Variants in C1orf94 observed in about 807,000 individuals in gnomAD.
C1orf94 encodes chromosome 1 open reading frame 94.
In C1orf94, 45 loss-of-function variants were observed where a neutral mutation model predicts 53.6. The observed-to-expected ratio is 0.84, with a 90% CI of 0.66 to 1.08. The LOEUF is 1.08. C1orf94 is among the 50% of genes least tolerant of loss of function. C1orf94 has a pLI of 0.00. For synonymous variants in C1orf94, 304 were observed against 296.1 expected (o/e 1.03, Z -0.27); for missense variants, 762 against 738.9 (o/e 1.03, Z -0.36).
intron 4 of C1orf94, among the ~76,000 whole-genome samples, chr1:34,203,995 A>G (rs2148620087): frequency 6.6e-6 from 1 of 152,206 alleles, no homozygotes; most frequent in East Asian, 1.9e-4. Flanking sequence ...ATTGTATGTC[A>G]TTGTATGGGG....
chr1:34,170,213 T>C (rs1642125113), intron 1 of C1orf94, among the ~76,000 whole-genome samples: 1 of 152,206 alleles, frequency 6.6e-6, no homozygotes, highest in Non-Finnish European at 1.5e-5. Flanking sequence ...CATGCCACAC[T>C]GAGCTGCATG....
chr1:34,202,401 C>A, intron 4 of C1orf94, 142 bp downstream of exon 4: 2 of 901,380 alleles, frequency 2.2e-6, no homozygotes, highest in Non-Finnish European at 3.3e-6. Flanking sequence ...TTCGCTGGGG[C>A]TATGGAAGGG....
intron 5 of C1orf94, 107 bp from the exon 6 acceptor site, chr1:34,212,103 C>A: frequency 1.0e-6 from 1 of 987,846 alleles, no homozygotes; most frequent in Non-Finnish European, 1.5e-6. Flanking sequence ...TTCTGTGTAC[C>A]CAGCAGTGAC....
intron 6 of C1orf94, 53 bp from the exon 7 acceptor site, chr1:34,218,633 T>C: frequency 7.1e-7 from 1 of 1,409,084 alleles, no homozygotes; most frequent in South Asian, 1.3e-5. Flanking sequence ...TTTCTAATTC[T>C]CTCCGATAAC....
intron 4 of C1orf94, among the ~76,000 whole-genome samples, chr1:34,206,564 A>G (rs1249313272): frequency 6.6e-6 from 1 of 152,222 alleles, no homozygotes; most frequent in South Asian, 2.1e-4. Context: ...CACACATAGA[A>G]ACAGAAACAG....
At chr1:34,178,966 T>G (rs943707997) in intron 1 of C1orf94, among the ~76,000 whole-genome samples, 2 of 152,250 alleles carry the variant, frequency 1.3e-5, no homozygotes, top group Non-Finnish European at 2.9e-5. Context: ...ATGGATTAAG[T>G]GTTAATAATT....
chr1:34,218,690 G>T lies in C1orf94; in HGVS notation c.1726G>T (p.Gly576Cys), dbSNP rs756712695. The T allele has an allele frequency of 6.2e-7, 1 of 1,611,086 alleles. No homozygotes were observed. The highest frequency in any genetic ancestry group is 1.1e-5 in the South Asian group (1 of 90,620). ...TCCACCCTCCCTCTCTTCCAGGTTCGGCTCGACATCCGGAGGGCCCTTGAT... is the reference window on the plus strand; with the variant it reads ...TCCACCCTCCCTCTCTTCCAGGTTCTGCTCGACATCCGGAGGGCCCTTGAT... ...QYLFPQGYGF[G>C]STSGGPLMHS... The change falls in exon 7 of 7, where the codon GGC (glycine) becomes TGC (cysteine). Residue 576 changes from glycine (G) to cysteine (C), a missense_variant. Coordinates refer to ENST00000488417, the MANE Select transcript of C1orf94 (RefSeq NM_001134734.2).
intron 4 of C1orf94, among the ~76,000 whole-genome samples, chr1:34,207,343 G>T (rs1437462721): frequency 6.6e-6 from 1 of 151,858 alleles, no homozygotes; most frequent in Non-Finnish European, 1.5e-5. Flanking sequence ...CCTCAAGACA[G>T]AATTGTGAGT....
Position 34,197,531 on chromosome 1 carries a change from C to T in C1orf94, c.627C>T (p.Asp209=). The change falls in exon 2 of 7, where the codon GAC becomes GAT. Residue 209 remains aspartate, a synonymous_variant. Coordinates refer to ENST00000488417, the MANE Select transcript of C1orf94 (RefSeq NM_001134734.2). The surrounding 1 kb of genome is among the most constrained non-coding windows in gnomAD (Gnocchi z 4.1). Reference sequence around the variant, plus strand: ...ATTCTGCCACTTCTACTGTCACAGACATTCTGTGTGCCGCCGAGGTCAAGA... The same window carrying T: ...ATTCTGCCACTTCTACTGTCACAGATATTCTGTGTGCCGCCGAGGTCAAGA... ...DCDSATSTVT[D]ILCAAEVKSS... is the part of the protein sequence containing the mutation. 1 of 1,614,130 alleles carries T rather than the reference C, an allele frequency of 6.2e-7. No homozygotes were observed. Among genetic ancestry groups the T allele is most frequent in the Non-Finnish European group, 8.5e-7 (1 of 1,180,024 alleles).
intron 5 of C1orf94, among the ~76,000 whole-genome samples, chr1:34,210,057 T>C (rs1247367185): frequency 6.6e-6 from 1 of 152,186 alleles, no homozygotes; most frequent in Non-Finnish European, 1.5e-5. Flanking sequence ...AGGATTATAT[T>C]TGGAGATGGC....
intron 1 of C1orf94, among the ~76,000 whole-genome samples, chr1:34,190,055 T>A (rs1308304126): frequency 6.6e-6 from 1 of 152,180 alleles, no homozygotes; most frequent in East Asian, 1.9e-4. Context: ...ACTTATTCTC[T>A]AGGGTCAATT....
chr1:34,185,163 T>C (rs547820686), intron 1 of C1orf94, among the ~76,000 whole-genome samples: 1 of 152,100 alleles, frequency 6.6e-6, no homozygotes, highest in Admixed American at 6.5e-5. Context: ...CCTCTCTCTT[T>C]ATTTTACTTT....
chr1:34,201,893 A>T (rs188054926), intron 3 of C1orf94, among the ~76,000 whole-genome samples, 191 bp from the exon 4 acceptor site: 32 of 152,350 alleles, frequency 2.1e-4, no homozygotes, highest in Admixed American at 1.8e-3. Flanking sequence ...ATCCCTTCCA[A>T]ACTGGCAAGG....
At chr1:34,186,116 T>C (rs1332916134) in intron 1 of C1orf94, among the ~76,000 whole-genome samples, 1 of 152,214 alleles carries the variant, frequency 6.6e-6, no homozygotes, top group African/African-American at 2.4e-5. Flanking sequence ...TTAATTGAAA[T>C]AAACAACTAT....
chr1:34,175,195 T>A (rs182434), upstream of C1orf94, among the ~76,000 whole-genome samples: 4,431 of 93,644 alleles, frequency 0.047, 78 homozygotes, highest in South Asian at 0.09. Context: ...ATTTGATTTT[T>A]TTTTTTTTTT....
chr1:34,176,277 T>C (rs1642223959), upstream of C1orf94, among the ~76,000 whole-genome samples: 1 of 152,208 alleles, frequency 6.6e-6, no homozygotes, highest in African/African-American at 2.4e-5. Flanking sequence ...TCTTCTTTCT[T>C]CCGTCTCCAC....
At chr1:34,201,212 G>A (rs1435410834) in intron 3 of C1orf94, among the ~76,000 whole-genome samples, 180 bp downstream of exon 3, 2 of 152,148 alleles carry the variant, frequency 1.3e-5, no homozygotes, top group African/African-American at 2.4e-5. Flanking sequence ...TGGGAATACA[G>A]TTGCTAGAGA....
At chr1:34,183,553 C>T (rs1171909433) in intron 1 of C1orf94, among the ~76,000 whole-genome samples, 1 of 152,152 alleles carries the variant, frequency 6.6e-6, no homozygotes, top group Non-Finnish European at 1.5e-5. Context: ...CATCTGACAA[C>T]AATGACATTC....
intron 6 of C1orf94, among the ~76,000 whole-genome samples, chr1:34,217,347 A>G (rs1446425587): frequency 1.3e-5 from 2 of 152,168 alleles, no homozygotes; most frequent in Non-Finnish European, 2.9e-5. Flanking sequence ...ATCAGATATG[A>G]GCTGTGTCAT....
Sources: gnomAD v4.1 joint callset for allele counts (sites outside exome capture counted in the v4.1 genomes callset) on GRCh38, gnomAD v4.1.1 for gene constraint, Gnocchi (gnomAD v3.1) non-coding constraint, MANE v1.5 for transcripts, NCBI Gene and HGNC (gene_info 2026-07-23, HGNC 2026-07-21) for gene names.